The following PDE4D variants were observed in gnomAD, a reference collection of about 807,000 sequenced individuals.
PDE4D encodes phosphodiesterase 4D.
Under a neutral mutation model 87.4 loss-of-function variants are expected in PDE4D, and 24 were observed. The observed-to-expected ratio is 0.27, with a 90% CI of 0.20 to 0.39. The LOEUF is 0.39. PDE4D is among the 10% of genes least tolerant of loss of function. The pLI, the probability that PDE4D is intolerant of heterozygous loss-of-function variation, is 1.00. For missense variants in PDE4D, 714 were observed against 1,041.0 expected, an observed-to-expected ratio of 0.69 and a Z score of 4.32; for synonymous variants, 384 against 383.2, an observed-to-expected ratio of 1.00 and a Z score of -0.02.
At chr5:59,168,613 T>A (rs1184870214) in intron 5 of PDE4D, among the ~76,000 whole-genome samples, 2 of 151,954 alleles carry the variant, frequency 1.3e-5, no homozygotes, top group Non-Finnish European at 2.9e-5. Context: ...TACCCTCCAC[T>A]CATATACATT....
At chr5:59,611,196 C>T (rs1455487712) in intron 1 of PDE4D, among the ~76,000 whole-genome samples, 1 of 152,154 alleles carries the variant, frequency 6.6e-6, no homozygotes, top group African/African-American at 2.4e-5. Flanking sequence ...GATTGGATAT[C>T]TGGTGATGGT....
chr5:59,816,746 G>A lies in PDE4D; in HGVS notation c.455+76422C>T, dbSNP rs562167557. Among the ~76,000 whole-genome samples the A allele has an allele frequency of 1.5e-3, 222 of 152,222 alleles. 1 individual carries two copies. Among genetic ancestry groups the A allele is most frequent in the African/African-American group, 5.3e-3 (219 of 41,532 alleles). ...CACCCTAGGATTTCCATAAAGCTTA[G>A]AAGGATTTCCTTCCTAAGAAATACC... On this transcript the variant is annotated intron_variant, in intron 1 of 14. Coordinates refer to ENST00000340635, the MANE Select transcript of PDE4D (RefSeq NM_001104631.2).
At chr5:58,985,305 C>T (rs936329820) in intron 11 of PDE4D, among the ~76,000 whole-genome samples, 6 of 152,162 alleles carry the variant, frequency 3.9e-5, no homozygotes, top group Non-Finnish European at 8.8e-5. Flanking sequence ...TTCACAGTAC[C>T]CACACTCAAA....
rs752738157 is a variant in PDE4D, at chr5:58,974,261, C to T, written c.*403G>A. On this transcript the variant is annotated 3_prime_UTR_variant, in exon 15 of 15. Transcript: ENST00000340635. ...CCTGTTCTTGACATATTTGTTGCTT[C>T]GTCCATTAAGTTCACTCTGTGCAAT... The T allele has an allele frequency of 4.3e-4, 67 of 155,620 alleles. No homozygotes were observed. Among genetic ancestry groups the T allele is most frequent in the Non-Finnish European group, 6.0e-4 (42 of 70,326 alleles). The allele number at this position is 155,620 out of a possible 1,614,324, so 9.6% of individuals were successfully genotyped here.
At chr5:60,161,147 A>G (rs2149462657) in intron 2 of PDE4D, among the ~76,000 whole-genome samples, 1 of 152,266 alleles carries the variant, frequency 6.6e-6, no homozygotes, top group East Asian at 1.9e-4. Flanking sequence ...AAGGGCCGCA[A>G]TAACTCTCAT....
At chr5:59,347,994 AT>A (rs1359121192) in intron 1 of PDE4D, among the ~76,000 whole-genome samples, 2 of 152,036 alleles carry the variant, frequency 1.3e-5, no homozygotes, top group Non-Finnish European at 2.9e-5. Context: ...CTCAGTCTCT[AT>A]TTATTTTATT....
intron 1 of PDE4D, among the ~76,000 whole-genome samples, chr5:60,474,153 A>ATATATAT (rs1477103420): frequency 4.5e-5 from 2 of 44,260 alleles, no homozygotes; most frequent in African/African-American, 2.5e-4. Flanking sequence ...TATATATAAC[A>ATATATAT]AAAACCTTAG....
chr5:59,256,142 A>T (rs1760924950), intron 1 of PDE4D, among the ~76,000 whole-genome samples: 1 of 152,140 alleles, frequency 6.6e-6, no homozygotes, highest in South Asian at 2.1e-4. Flanking sequence ...AAATTTGTTG[A>T]CAAGTATAGT....
At position 60,474,105 on chromosome 5, in the gene PDE4D, CATATATATATATATATATATATAT is replaced by C. The variant is rs1158022321; in HGVS notation, c.-90+13813_-90+13836del. On this transcript the variant is annotated intron_variant, in intron 1 of 16. Coordinates refer to the PDE4D transcript ENST00000502484. The stretch of plus-strand genomic sequence containing the variant: ...TACTGTCTCAGTCCCTTTGAGCTGC[CATATATATATATATATATATATAT>C]ATATATATATATATATATATAACAA... Among the ~76,000 whole-genome samples the C allele has an allele frequency of 1.1e-3, 33 of 31,004 alleles. 1 individual carries two copies. Among genetic ancestry groups the C allele is most frequent in the Admixed American group, 6.6e-3 (12 of 1,812 alleles). 20.3% of individuals were successfully genotyped at this position (31,004 alleles called of 152,430 possible). A position where few individuals can be genotyped will look rare whatever the true frequency, so the allele number is the denominator to read the frequency against.
intron 1 of PDE4D, among the ~76,000 whole-genome samples, chr5:60,500,880 C>G (rs1750036226): frequency 6.6e-6 from 1 of 152,074 alleles, no homozygotes; most frequent in South Asian, 2.1e-4. Context: ...TAAGGCAGGA[C>G]TGATATAATT....
chr5:59,978,033 T>C (rs1761517299), intron 3 of PDE4D, among the ~76,000 whole-genome samples: 1 of 152,212 alleles, frequency 6.6e-6, no homozygotes, highest in Admixed American at 6.5e-5. Context: ...TTTCAAAATA[T>C]GACTGTTCAT....
At chr5:59,586,348 T>C in intron 1 of PDE4D, 1 of 1,612,896 alleles carries the variant, frequency 6.2e-7, no homozygotes, top group Non-Finnish European at 8.5e-7. Flanking sequence ...GAATGCCTTC[T>C]AAAGGGAAAA....
intron 11 of PDE4D, among the ~76,000 whole-genome samples, chr5:58,980,393 G>A (rs1451326745): frequency 6.6e-6 from 1 of 152,106 alleles, no homozygotes; most frequent in Non-Finnish European, 1.5e-5. Context: ...GTACCTTATA[G>A]AGGTGAAAAC....
intron 1 of PDE4D, among the ~76,000 whole-genome samples, chr5:59,819,620 A>G (rs1230548536): frequency 6.6e-6 from 1 of 152,202 alleles, no homozygotes; most frequent in African/African-American, 2.4e-5. Flanking sequence ...GGAAAACTTG[A>G]TATTTGGCAC....
At chr5:59,099,248 A>T (rs543696329) in intron 5 of PDE4D, among the ~76,000 whole-genome samples, 3 of 152,306 alleles carry the variant, frequency 2.0e-5, no homozygotes, top group African/African-American at 7.2e-5. Flanking sequence ...CAAAGGACAC[A>T]ACTGGTTAGC....
chr5:59,416,567 C>T (rs1179623693), intron 1 of PDE4D, among the ~76,000 whole-genome samples: 2 of 152,162 alleles, frequency 1.3e-5, no homozygotes, highest in Non-Finnish European at 2.9e-5. Context: ...GCACTTGTAA[C>T]TCTCTAGGTA....
At chr5:59,530,966 T>C (rs1235818745) in intron 1 of PDE4D, among the ~76,000 whole-genome samples, 3 of 152,194 alleles carry the variant, frequency 2.0e-5, no homozygotes, top group African/African-American at 7.2e-5. Context: ...AAATTCTAAG[T>C]GATTGTAAGA....
rs1484864239 is a variant in PDE4D, at chr5:58,975,310, CAT to C, written c.2014-232_2014-231del. 6.6e-6 allele frequency among the ~76,000 whole-genome samples: 1 copy of C among 152,076 alleles called. No homozygotes were observed. The highest frequency in any genetic ancestry group is 1.5e-5 in the Non-Finnish European group (1 of 68,020). Reference sequence around the variant, plus strand: ...TTTGGTTAAAGAGCATGTTCTATAGCATAAAAAATTTTCCAGTTGTTGACATG... The same window carrying C: ...TTTGGTTAAAGAGCATGTTCTATAGCAAAAAATTTTCCAGTTGTTGACATG... On this transcript the variant is annotated intron_variant, in intron 14 of 14. Coordinates refer to ENST00000340635, the MANE Select transcript of PDE4D (RefSeq NM_001104631.2). The surrounding 1 kb of genome is among the most constrained non-coding windows in gnomAD (Gnocchi z 4.2).
chr5:60,165,053 G>A (rs1782770844), intron 2 of PDE4D, among the ~76,000 whole-genome samples: 1 of 151,960 alleles, frequency 6.6e-6, no homozygotes, highest in Non-Finnish European at 1.5e-5. Context: ...CCCCCAACCT[G>A]TCTAGCCTCT....
Sources: allele counts gnomAD v4.1 joint callset (sites outside exome capture counted in the v4.1 genomes callset), GRCh38; gene constraint gnomAD v4.1.1; non-coding constraint Gnocchi (gnomAD v3.1); transcripts MANE v1.5; gene names NCBI Gene and HGNC (gene_info 2026-07-23, HGNC 2026-07-21).